EDA: variants seen among roughly 807,000 people sequenced by gnomAD.
EDA encodes the protein ectodysplasin-A.
Under a neutral mutation model 23.6 loss-of-function variants are expected in EDA, and 2 were observed. The ratio of observed to expected loss-of-function variants is 0.08; its 90% CI spans 0.03 to 0.27. The LOEUF (loss-of-function observed/expected upper bound fraction) is 0.27. Ranked by LOEUF, EDA falls within the 10% of genes least tolerant of loss-of-function variation. The probability of loss-of-function intolerance (pLI) is 1.00; values close to 1 mark genes in which losing one functional copy is unlikely to be tolerated. For synonymous variants in EDA, 131 were observed against 132.0 expected (o/e 0.99, Z 0.05); for missense variants, 229 against 324.2 (o/e 0.71, Z 2.26).
intron 1 of EDA, among the ~76,000 whole-genome samples, chrX:69,779,676 C>T (rs897840268): frequency 7.2e-5 from 8 of 111,374 alleles, no homozygotes; most frequent in Admixed American, 3.8e-4. Context: ...TAGTACTAAA[C>T]GCTACTGAAT....
intron 1 of EDA, among the ~76,000 whole-genome samples, chrX:69,792,281 G>T (rs867937557): frequency 3.6e-5 from 4 of 111,875 alleles, no homozygotes; most frequent in South Asian, 3.7e-4. Context: ...CATCCAAGTT[G>T]CTGCAAAAGA....
chrX:69,856,254 G>GGGGTGT (rs1556019860), intron 1 of EDA, among the ~76,000 whole-genome samples: 4 of 74,952 alleles, frequency 5.3e-5, no homozygotes, highest in Admixed American at 3.2e-4. Flanking sequence ...AGTATTCCAT[G>GGGGTGT]GTGTGTGTGT....
chrX:69,734,429 T>G (rs1045429404), intron 1 of EDA, among the ~76,000 whole-genome samples: 1 of 111,614 alleles, frequency 9.0e-6, no homozygotes, highest in Non-Finnish European at 1.9e-5. Context: ...ACAAACATTT[T>G]TTATTGATTT....
chrX:69,937,141 A>G, intron 1 of EDA: 1 of 1,028,138 alleles, frequency 9.7e-7, no homozygotes, highest in South Asian at 1.9e-5. Flanking sequence ...TAAAATAAAA[A>G]TAAAAGGACT....
At chrX:69,954,790 T>C in intron 1 of EDA, among the ~76,000 whole-genome samples, 1 of 111,553 alleles carries the variant, frequency 9.0e-6, no homozygotes, top group Admixed American at 9.5e-5. Flanking sequence ...CTAGTATCCA[T>C]TTGTTATTTT....
intron 1 of EDA, among the ~76,000 whole-genome samples, chrX:69,846,469 A>G (rs988959072): frequency 1.8e-5 from 2 of 110,465 alleles, no homozygotes; most frequent in Non-Finnish European, 3.8e-5. Context: ...TAATTTTTGT[A>G]TTTTTATTAG....
intron 1 of EDA, among the ~76,000 whole-genome samples, chrX:69,705,392 CA>C (rs2011678789): frequency 9.0e-6 from 1 of 111,545 alleles, no homozygotes; most frequent in Non-Finnish European, 1.9e-5. Flanking sequence ...AAGTCCATCG[CA>C]ACCAGACAAA....
intron 1 of EDA, among the ~76,000 whole-genome samples, chrX:69,648,899 A>G (rs934531077): frequency 1.8e-5 from 2 of 111,658 alleles, no homozygotes; most frequent in African/African-American, 3.3e-5. Flanking sequence ...TGGGGTCACA[A>G]GGTGATCTCC....
intron 1 of EDA, among the ~76,000 whole-genome samples, chrX:69,744,035 G>A (rs1322966373): frequency 9.0e-6 from 1 of 111,502 alleles, no homozygotes; most frequent in Non-Finnish European, 1.9e-5. Flanking sequence ...AGAAGCAAGT[G>A]GATGCCTCCT....
chrX:69,937,706 T>C (rs879189203), intron 1 of EDA: 3 of 1,163,908 alleles, frequency 2.6e-6, no homozygotes, highest in Admixed American at 2.2e-5. Flanking sequence ...ACATGTCCTC[T>C]GTCAAATTAA....
At chrX:69,679,976 C>A (rs1260000548) in intron 1 of EDA, among the ~76,000 whole-genome samples, 7 of 107,541 alleles carry the variant, frequency 6.5e-5, no homozygotes, top group Non-Finnish European at 1.3e-4. Context: ...AAATTTCCCT[C>A]TACACACTGC....
intron 2 of EDA, chrX:69,957,615 T>C (rs778412475): frequency 1.7e-4 from 20 of 120,084 alleles, no homozygotes; most frequent in African/African-American, 4.9e-4. Context: ...AACATAGAAC[T>C]AACTATACAA....
intron 1 of EDA, among the ~76,000 whole-genome samples, chrX:69,654,039 G>A (rs1418935442): frequency 1.3e-4 from 14 of 111,526 alleles, no homozygotes; most frequent in South Asian, 3.8e-4. Context: ...GAAAATTTTT[G>A]CAACCTACTC....
At chrX:69,891,219 A>G (rs2017924704) in intron 1 of EDA, among the ~76,000 whole-genome samples, 1 of 111,864 alleles carries the variant, frequency 8.9e-6, no homozygotes, top group Admixed American at 9.5e-5. Flanking sequence ...GCTATTATTA[A>G]AACGTCAAAA....
chrX:69,770,377 T>G (rs1245744543), intron 1 of EDA, among the ~76,000 whole-genome samples: 2 of 112,055 alleles, frequency 1.8e-5, no homozygotes, highest in Admixed American at 1.9e-4. Flanking sequence ...ATTCCCTTTT[T>G]CCACAGCCCT....
intron 1 of EDA, among the ~76,000 whole-genome samples, chrX:69,688,400 C>A (rs1251705691): frequency 9.0e-6 from 1 of 111,119 alleles, no homozygotes; most frequent in Admixed American, 9.6e-5. Flanking sequence ...AAGCCTGGTG[C>A]TTTTTATTTA....
At chrX:69,926,770 A>G (rs1385865735) in intron 1 of EDA, among the ~76,000 whole-genome samples, 2 of 111,547 alleles carry the variant, frequency 1.8e-5, no homozygotes, top group Admixed American at 9.5e-5. Flanking sequence ...AAAGTCTCCC[A>G]CGATTATTGT....
chrX:69,925,783 CTTTT>C (rs147114575), intron 1 of EDA, among the ~76,000 whole-genome samples: 1 of 82,594 alleles, frequency 1.2e-5, no homozygotes, highest in Non-Finnish European at 2.3e-5. Context: ...TGGTCCTGGG[CTTTT>C]TTTTTTTTTT....
At chrX:69,716,534 G>A (rs1372780975) in intron 1 of EDA, among the ~76,000 whole-genome samples, 1 of 108,537 alleles carries the variant, frequency 9.2e-6, no homozygotes, top group Non-Finnish European at 1.9e-5. Context: ...TTTTTCCTTA[G>A]GATTGCCTTG....
Sources: allele counts gnomAD v4.1 joint callset (sites outside exome capture counted in the v4.1 genomes callset), GRCh38; gene constraint gnomAD v4.1.1; transcripts MANE v1.5; gene names NCBI Gene and HGNC (gene_info 2026-07-23, HGNC 2026-07-21).